The following HACL1 variants were observed in gnomAD, a reference collection of about 807,000 sequenced individuals.
HACL1 encodes 2-hydroxyacyl-CoA lyase 1, also known as 1600020H07Rik.
In HACL1, 64 loss-of-function variants were observed where a neutral mutation model predicts 74.2. The observed-to-expected ratio is 0.86, with a 90% CI of 0.70 to 1.06. HACL1 has a LOEUF of 1.06. Among genes scored for constraint, HACL1 ranks in the 50% least tolerant of loss-of-function variants. The pLI, the probability that HACL1 is intolerant of heterozygous loss-of-function variation, is 0.00. For missense variants in HACL1, 728 were observed against 719.7 expected, an observed-to-expected ratio of 1.01 and a Z score of -0.13; for synonymous variants, 230 against 238.8, an observed-to-expected ratio of 0.96 and a Z score of 0.34.
chr3:15,580,189 A>G, intron 8 of HACL1, 144 bp from the exon 9 acceptor site: 1 of 648,094 alleles, frequency 1.5e-6, no homozygotes, highest in Non-Finnish European at 2.6e-6. Flanking sequence ...GTGCAGTGGC[A>G]TGATTTTGGC....
At chr3:15,593,687 GT>G (rs561846117) in intron 3 of HACL1, among the ~76,000 whole-genome samples, 36 of 148,614 alleles carry the variant, frequency 2.4e-4, no homozygotes, top group African/African-American at 7.4e-4. Context: ...ATGAAAAAAG[GT>G]TTTTTTTTCA....
At chr3:15,565,952 G>C (rs2063427815) in intron 14 of HACL1, among the ~76,000 whole-genome samples, 1 of 152,148 alleles carries the variant, frequency 6.6e-6, no homozygotes, top group African/African-American at 2.4e-5. Context: ...ATTGTATTCA[G>C]TATTTTAAAG....
chr3:15,575,341 T>C (rs1387331254), intron 9 of HACL1, among the ~76,000 whole-genome samples: 1 of 152,062 alleles, frequency 6.6e-6, no homozygotes, highest in East Asian at 1.9e-4. Context: ...TTTTTATAAT[T>C]AGAAAAATTA....
Position 15,594,558 on chromosome 3 carries a change from T to C in HACL1, c.227+1826A>G, listed in dbSNP as rs145467479. ...TTTCTGTTTAAGACAGACTTGAAAA[T>C]AAGTAATTACCACCAAGTAAACTAA... is the stretch of plus-strand genomic sequence containing the variant. On this transcript the variant is annotated intron_variant, in intron 3 of 16. Transcript: ENST00000321169. Among the ~76,000 whole-genome samples, 74 of 152,302 alleles carry C rather than the reference T, an allele frequency of 4.9e-4. 2 individuals are homozygous for C. The highest frequency in any genetic ancestry group is 3.1e-4 in the Non-Finnish European group (21 of 68,020).
intron 3 of HACL1, among the ~76,000 whole-genome samples, chr3:15,592,521 C>CATATACACTTGT: frequency 6.8e-6 from 1 of 147,534 alleles, no homozygotes; most frequent in Admixed American, 6.7e-5. Context: ...CACTTGTATA[C>CATATACACTTGT]ATATACACAT....
At chr3:15,571,379 C>A (rs1490207845) in intron 12 of HACL1, among the ~76,000 whole-genome samples, 1 of 152,204 alleles carries the variant, frequency 6.6e-6, no homozygotes, top group Non-Finnish European at 1.5e-5. Flanking sequence ...TCACAAGCTA[C>A]AACCTTTCAG....
At chr3:15,580,892 C>T (rs1228688110) in intron 8 of HACL1, among the ~76,000 whole-genome samples, 1 of 152,172 alleles carries the variant, frequency 6.6e-6, no homozygotes, top group Non-Finnish European at 1.5e-5. Context: ...CCCAGTGGGA[C>T]ACATTATCTT....
intron 3 of HACL1, among the ~76,000 whole-genome samples, chr3:15,595,345 C>T (rs1223777972): frequency 2.0e-5 from 3 of 151,848 alleles, no homozygotes; most frequent in Non-Finnish European, 4.4e-5. Context: ...AGTTCCTTAT[C>T]ACAGAAAAAA....
intron 14 of HACL1, 129 bp downstream of exon 14, chr3:15,567,715 G>A (rs1027703179): frequency 1.2e-6 from 1 of 818,294 alleles, no homozygotes; most frequent in African/African-American, 1.7e-5. Flanking sequence ...GCATCCTCAG[G>A]ACAGAACACA....
chr3:15,600,300 A>G (rs1296366313), intron 2 of HACL1, among the ~76,000 whole-genome samples: 1 of 152,242 alleles, frequency 6.6e-6, no homozygotes. Flanking sequence ...GCAAGAATTT[A>G]AATTAGAAGG....
intron 11 of HACL1, among the ~76,000 whole-genome samples, chr3:15,572,208 T>C (rs2063547721): frequency 6.6e-6 from 1 of 152,200 alleles, no homozygotes; most frequent in Non-Finnish European, 1.5e-5. Context: ...TATACGGCCA[T>C]ACTACCCTTC....
intron 12 of HACL1, 51 bp from the exon 13 acceptor site, chr3:15,568,637 T>C: frequency 1.0e-6 from 1 of 989,782 alleles, no homozygotes; most frequent in Non-Finnish European, 1.5e-6. Context: ...ACAATGAAAA[T>C]AACCAATGTT....
At chr3:15,588,742 G>A (rs532383820) in intron 5 of HACL1, among the ~76,000 whole-genome samples, 1 of 150,836 alleles carries the variant, frequency 6.6e-6, no homozygotes, top group East Asian at 1.9e-4. Flanking sequence ...TACGAACCAC[G>A]TGTCCAGCTT....
chr3:15,563,444 T>C lies in HACL1; in HGVS notation c.1618A>G (p.Lys540Glu), dbSNP rs2063380293. 1 of 1,611,838 alleles carries C rather than the reference T, an allele frequency of 6.2e-7. No individual in the cohort carries two copies. Among genetic ancestry groups the C allele is most frequent in the Non-Finnish European group, 8.5e-7 (1 of 1,178,026 alleles). Reference protein sequence around the residue: ...YFVQTPEELQKSLRQSLADTT... With the variant: ...YFVQTPEELQESLRQSLADTT... ...TCTGCTAGGCTCTGCCTCAGGGATTTTTGGAGTTCTTCTGGTGTTTGTACA... is the reference window on the plus strand; with the variant it reads ...TCTGCTAGGCTCTGCCTCAGGGATTCTTGGAGTTCTTCTGGTGTTTGTACA... The change falls in exon 16 of 17, where the codon AAA (lysine) becomes GAA (glutamate). Residue 540 changes from lysine (K) to glutamate (E), a missense_variant. By Grantham distance (56) the Lys-to-Glu change is moderately conservative. Transcript: ENST00000321169.
At chr3:15,573,585 T>G (rs972614595) in intron 10 of HACL1, among the ~76,000 whole-genome samples, 3 of 152,236 alleles carry the variant, frequency 2.0e-5, no homozygotes, top group Non-Finnish European at 4.4e-5. Context: ...ATCTAGAGTG[T>G]GGGTTCTCAA....
chr3:15,588,404 G>A (rs1448515323), intron 5 of HACL1, among the ~76,000 whole-genome samples: 1 of 151,988 alleles, frequency 6.6e-6, no homozygotes, highest in Non-Finnish European at 1.5e-5. Flanking sequence ...ACCAGCCTGG[G>A]CACCATGGCA....
Position 15,585,253 on chromosome 3 carries a change from A to G in HACL1, c.549T>C (p.Ser183=). The G allele has an allele frequency of 6.7e-7, 1 of 1,488,794 alleles. No individual in the cohort carries two copies. The highest frequency in any genetic ancestry group is 9.4e-7 in the Non-Finnish European group (1 of 1,065,882). The allele number at this position is 1,488,794 out of a possible 1,614,324, so 92.2% of individuals were successfully genotyped here. A position where few individuals can be genotyped will look rare whatever the true frequency, so the allele number is the denominator to read the frequency against. The change falls in exon 7 of 17, where the codon TCT becomes TCC. Residue 183 remains serine, a synonymous_variant. Transcript: ENST00000321169. ...CCAGCATAACTATTACTCACTTTATAGAATTCACATTCACCTGAAGGTTCA... is the reference window on the plus strand; with the variant it reads ...CCAGCATAACTATTACTCACTTTATGGAATTCACATTCACCTGAAGGTTCA... ...DFVNLQVNVN[S]IKYMERCMSP...
At position 15,567,598 on chromosome 3, in the gene HACL1, C is replaced by T. The variant is rs536897108; in HGVS notation, c.1409+246G>A. Among the ~76,000 whole-genome samples the T allele has an allele frequency of 8.5e-5, 13 of 152,154 alleles. No homozygotes were observed. In the South Asian group the frequency reaches 1.7e-3, roughly 19 times the overall value. On this transcript the variant is annotated intron_variant, in intron 14 of 16. Transcript: ENST00000321169. Reference sequence around the variant, plus strand: ...CTTTCAGTCCCCAACATTTTTTTCTCAGTGACCTCAAAACCACTCCCCACA... The same window carrying T: ...CTTTCAGTCCCCAACATTTTTTTCTTAGTGACCTCAAAACCACTCCCCACA...
chr3:15,573,085 C>T, intron 11 of HACL1, 74 bp downstream of exon 11: 1 of 838,040 alleles, frequency 1.2e-6, no homozygotes, highest in Non-Finnish European at 2.1e-6. Context: ...CCAAGTGAAT[C>T]AAGATTAAAA....
Sources: gnomAD v4.1 joint callset for allele counts (sites outside exome capture counted in the v4.1 genomes callset) on GRCh38, gnomAD v4.1.1 for gene constraint, MANE v1.5 for transcripts, NCBI Gene and HGNC (gene_info 2026-07-23, HGNC 2026-07-21) for gene names.